Variants in IFT80 observed in about 807,000 individuals in gnomAD.
IFT80 encodes the protein intraflagellar transport protein 80 homolog.
IFT80 carries 79 observed loss-of-function variants against 107.9 expected under a neutral mutation model. The observed-to-expected ratio is 0.73, with a 90% CI of 0.61 to 0.88. The LOEUF (loss-of-function observed/expected upper bound fraction) is 0.88. Ranked by LOEUF, IFT80 falls within the 40% of genes least tolerant of loss-of-function variation. IFT80 has a pLI of 0.00. For synonymous variants in IFT80, 299 were observed against 300.9 expected, an observed-to-expected ratio of 0.99 and a Z score of 0.07; for missense variants, 797 against 914.2, an observed-to-expected ratio of 0.87 and a Z score of 1.65.
intron 8 of IFT80, among the ~76,000 whole-genome samples, chr3:160,341,828 G>A (rs1211540438): frequency 6.6e-6 from 1 of 152,170 alleles, no homozygotes; most frequent in African/African-American, 2.4e-5. Context: ...TAGCACTCCA[G>A]TTCCTGTTTC....
At chr3:160,323,541 T>C (rs1433077116) in intron 8 of IFT80, among the ~76,000 whole-genome samples, 2 of 151,770 alleles carry the variant, frequency 1.3e-5, no homozygotes, top group African/African-American at 2.4e-5. Flanking sequence ...GGGTACATAA[T>C]GAAATGAAGG....
chr3:160,369,490 T>C (rs1239850726), intron 5 of IFT80, among the ~76,000 whole-genome samples: 1 of 151,952 alleles, frequency 6.6e-6, no homozygotes. Flanking sequence ...GGAAATAAAC[T>C]ACATAGCTAT....
At chr3:160,391,499 C>A (rs1055369218) in intron 1 of IFT80, 1 of 152,076 alleles carries the variant, frequency 6.6e-6, no homozygotes, top group African/African-American at 2.4e-5. Flanking sequence ...AATGAAACCC[C>A]GTCTCTACTA....
intron 3 of IFT80, 123 bp from the exon 4 acceptor site, chr3:160,377,663 T>C (rs573388355): frequency 4.8e-5 from 27 of 556,814 alleles, no homozygotes; most frequent in African/African-American, 4.2e-4. Context: ...TTATTCTTAA[T>C]ATCACATATA....
At position 160,279,138 on chromosome 3, in the gene IFT80, AAAGGTAAACT is replaced by A. The variant is rs146409420; in HGVS notation, c.1836+45_1836+54del. Reference sequence around the variant, plus strand: ...CCTATTATCATTACTCATTTTGCACAAAGGTAAACTACTATGAAATATATATACAACTATG... The same window carrying A: ...CCTATTATCATTACTCATTTTGCACAACTATGAAATATATATACAACTATG... On this transcript the variant is annotated intron_variant, in intron 16 of 19. Transcript: ENST00000326448. 7.1e-3 allele frequency: 10,353 copies of A among 1,450,768 alleles called. 608 individuals carry two copies. The African/African-American group carries it at 0.13, about 18-fold the overall frequency. 89.9% of individuals were successfully genotyped at this position (1,450,768 alleles called of 1,614,324 possible). A position where few individuals can be genotyped will look rare whatever the true frequency, so the allele number is the denominator to read the frequency against.
chr3:160,309,720 A>G (rs1427565401), intron 9 of IFT80, among the ~76,000 whole-genome samples: 1 of 152,088 alleles, frequency 6.6e-6, no homozygotes, highest in Non-Finnish European at 1.5e-5. Context: ...AACAGCGTGT[A>G]TAGTATGATA....
intron 9 of IFT80, among the ~76,000 whole-genome samples, chr3:160,308,973 G>T (rs1208920772): frequency 6.6e-6 from 1 of 152,176 alleles, no homozygotes; most frequent in African/African-American, 2.4e-5. Flanking sequence ...GTAGGCCCTT[G>T]CCAGACACTA....
intron 14 of IFT80, among the ~76,000 whole-genome samples, chr3:160,281,676 G>A (rs1714700104): frequency 6.6e-6 from 1 of 152,166 alleles, no homozygotes; most frequent in South Asian, 2.1e-4. Flanking sequence ...GCAAAATGGT[G>A]GAGGAGTTTA....
At chr3:160,396,149 A>G (rs1235459708) in intron 1 of IFT80, among the ~76,000 whole-genome samples, 1 of 152,036 alleles carries the variant, frequency 6.6e-6, no homozygotes, top group Non-Finnish European at 1.5e-5. Flanking sequence ...TCAAAATGAT[A>G]TTTCCAAAAA....
intron 9 of IFT80, among the ~76,000 whole-genome samples, chr3:160,310,430 G>T (rs986449661): frequency 4.4e-4 from 67 of 152,296 alleles, no homozygotes; most frequent in African/African-American, 1.4e-3. Context: ...CTTATTACTT[G>T]AAAACTGGCA....
rs543589155 is a variant in IFT80 at position 160,396,438 on chromosome 3, G to A, written c.-47+2708C>T. On this transcript the variant is annotated intron_variant, in intron 1 of 19. Coordinates refer to ENST00000326448, the MANE Select transcript of IFT80 (RefSeq NM_020800.3). ...TCAGAAATCTAATTTCAGCCTTTCTGAAATGTTATGACATTAGAAGGCAAA... is the reference window on the plus strand; with the variant it reads ...TCAGAAATCTAATTTCAGCCTTTCTAAAATGTTATGACATTAGAAGGCAAA... Among the ~76,000 whole-genome samples the A allele has an allele frequency of 2.6e-5, 4 of 152,094 alleles. No homozygotes were observed. In the South Asian group the frequency reaches 8.3e-4, roughly 32 times the overall value.
At chr3:160,381,766 T>G in intron 2 of IFT80, 42 bp from the exon 3 acceptor site, 1 of 1,477,368 alleles carries the variant, frequency 6.8e-7, no homozygotes, top group South Asian at 1.1e-5. Flanking sequence ...CAAAAGTCTT[T>G]AATCTTAATG....
At chr3:160,332,151 T>C (rs1719134642) in intron 8 of IFT80, among the ~76,000 whole-genome samples, 1 of 152,190 alleles carries the variant, frequency 6.6e-6, no homozygotes, top group Non-Finnish European at 1.5e-5. Flanking sequence ...GAAAACTTCA[T>C]AGGTGATGTT....
At position 160,396,432 on chromosome 3, in the gene IFT80, C is replaced by G. The variant is rs1010364201; in HGVS notation, c.-47+2714G>C. Among the ~76,000 whole-genome samples the G allele has an allele frequency of 3.3e-5, 5 of 152,004 alleles. No homozygotes were observed. In the East Asian group the frequency reaches 9.6e-4, roughly 29 times the overall value. Reference sequence around the variant, plus strand: ...ATTTACTCAGAAATCTAATTTCAGCCTTTCTGAAATGTTATGACATTAGAA... The same window carrying G: ...ATTTACTCAGAAATCTAATTTCAGCGTTTCTGAAATGTTATGACATTAGAA... On this transcript the variant is annotated intron_variant, in intron 1 of 19. Coordinates refer to ENST00000326448, the MANE Select transcript of IFT80 (RefSeq NM_020800.3).
intron 3 of IFT80, among the ~76,000 whole-genome samples, chr3:160,381,175 T>C (rs1712464485): frequency 6.8e-6 from 1 of 146,962 alleles, no homozygotes; most frequent in South Asian, 2.1e-4. Context: ...AGTTTGAAGC[T>C]ACAGTGAGCT....
At chr3:160,320,125 A>G (rs940208623) in intron 8 of IFT80, 186 bp from the exon 9 acceptor site, 1 of 579,248 alleles carries the variant, frequency 1.7e-6, no homozygotes, top group Admixed American at 3.1e-5. Flanking sequence ...TGAAGTCCAC[A>G]GTAGAACATC....
At chr3:160,337,520 G>A (rs1368279193) in intron 8 of IFT80, among the ~76,000 whole-genome samples, 1 of 152,128 alleles carries the variant, frequency 6.6e-6, no homozygotes, top group Non-Finnish European at 1.5e-5. Context: ...AGCTACTGGG[G>A]AGGCTGAGGC....
intron 8 of IFT80, among the ~76,000 whole-genome samples, chr3:160,331,564 A>AT (rs1379094444): frequency 1.3e-5 from 2 of 151,936 alleles, no homozygotes; most frequent in East Asian, 1.9e-4. Flanking sequence ...CCCAATTGTC[A>AT]TTTTTTTTCC....
At chr3:160,385,681 T>C (rs1217344297) in intron 1 of IFT80, among the ~76,000 whole-genome samples, 1 of 152,238 alleles carries the variant, frequency 6.6e-6, no homozygotes. Flanking sequence ...TATGAAACTA[T>C]GTGGAGCACA....
Sources: gnomAD v4.1 joint callset for allele counts (sites outside exome capture counted in the v4.1 genomes callset) on GRCh38, gnomAD v4.1.1 for gene constraint, MANE v1.5 for transcripts, NCBI Gene and HGNC (gene_info 2026-07-23, HGNC 2026-07-21) for gene names.